Variants in CACNA1D observed in about 807,000 individuals in gnomAD.
CACNA1D encodes voltage-dependent L-type calcium channel subunit alpha-1D.
A neutral mutation model predicts 257.1 loss-of-function variants in CACNA1D; 55 were observed. That is an observed-to-expected ratio of 0.21 (90% CI 0.17 to 0.27). The LOEUF (loss-of-function observed/expected upper bound fraction) is 0.27, where lower values mean the gene tolerates loss of function less well. CACNA1D is among the 10% of genes least tolerant of loss of function. The pLI, the probability that CACNA1D is intolerant of heterozygous loss-of-function variation, is 1.00. For missense variants in CACNA1D, 1,876 were observed against 2,784.0 expected (o/e 0.67, Z 7.34); for synonymous variants, 980 against 1,014.9 (o/e 0.97, Z 0.65).
intron 3 of CACNA1D, among the ~76,000 whole-genome samples, chr3:53,521,281 G>A (rs572153466): frequency 3.9e-5 from 6 of 152,144 alleles, no homozygotes; most frequent in East Asian, 3.9e-4. Flanking sequence ...GGCCTCAAGC[G>A]ATTCCCTGCC....
intron 20 of CACNA1D, among the ~76,000 whole-genome samples, chr3:53,736,874 C>G (rs1212570697): frequency 6.8e-6 from 1 of 146,652 alleles, no homozygotes; most frequent in Non-Finnish European, 1.5e-5. Context: ...GGTGACAGAG[C>G]AAGACCCTGT....
At chr3:53,801,798 C>G (rs1006328853) in intron 42 of CACNA1D, among the ~76,000 whole-genome samples, 2 of 152,210 alleles carry the variant, frequency 1.3e-5, no homozygotes, top group Admixed American at 6.5e-5. Flanking sequence ...TACAGTCTTG[C>G]ACCTTCTCAG....
At chr3:53,780,879 C>G (rs999362839) in intron 38 of CACNA1D, among the ~76,000 whole-genome samples, 1 of 152,150 alleles carries the variant, frequency 6.6e-6, no homozygotes, top group African/African-American at 2.4e-5. Flanking sequence ...GAAGAGGAGG[C>G]AGCAAGGGAC....
At chr3:53,558,138 T>TA (rs2092678936) in intron 3 of CACNA1D, among the ~76,000 whole-genome samples, 2 of 152,334 alleles carry the variant, frequency 1.3e-5, no homozygotes, top group African/African-American at 4.8e-5. Flanking sequence ...GTCAAAATGT[T>TA]TATATGTTTA....
intron 30 of CACNA1D, among the ~76,000 whole-genome samples, chr3:53,768,038 A>C (rs183593700): frequency 1.3e-5 from 2 of 152,338 alleles, no homozygotes; most frequent in African/African-American, 4.8e-5. Flanking sequence ...TTTGAAGTTC[A>C]TAGTCCATAG....
intron 4 of CACNA1D, among the ~76,000 whole-genome samples, chr3:53,651,254 G>A (rs2094089062): frequency 6.6e-6 from 1 of 151,512 alleles, no homozygotes; most frequent in Admixed American, 6.6e-5. Context: ...AATGAGTAGA[G>A]CTTTTAATAC....
intron 14 of CACNA1D, among the ~76,000 whole-genome samples, chr3:53,726,163 T>C (rs2094932644): frequency 1.3e-5 from 2 of 152,364 alleles, no homozygotes; most frequent in East Asian, 1.9e-4. Flanking sequence ...AACAAGCCAG[T>C]TGCAGAAAAC....
intron 8 of CACNA1D, among the ~76,000 whole-genome samples, chr3:53,692,378 T>G (rs1255646143): frequency 6.6e-6 from 1 of 152,188 alleles, no homozygotes; most frequent in Non-Finnish European, 1.5e-5. Flanking sequence ...GGAGGGGTTA[T>G]GCAGGCAACA....
At chr3:53,596,792 C>T (rs1478665412) in intron 3 of CACNA1D, among the ~76,000 whole-genome samples, 1 of 152,202 alleles carries the variant, frequency 6.6e-6, no homozygotes, top group African/African-American at 2.4e-5. Context: ...ATCTGACCTT[C>T]AGAACTGTAA....
intron 3 of CACNA1D, among the ~76,000 whole-genome samples, chr3:53,600,895 C>T (rs907122708): frequency 3.9e-5 from 6 of 152,140 alleles, no homozygotes; most frequent in East Asian, 1.9e-4. Context: ...GATAATCCTC[C>T]GTGATTCCCG....
At chr3:53,731,021 T>C in intron 16 of CACNA1D, 56 bp from the exon 17 acceptor site, 1 of 1,093,066 alleles carries the variant, frequency 9.1e-7, no homozygotes, top group Non-Finnish European at 1.4e-6. Context: ...GATTAGCATT[T>C]TTATACAGAG....
At chr3:53,782,703 T>C (rs1576651639) in intron 39 of CACNA1D, 1 of 152,162 alleles carries the variant, frequency 6.6e-6, no homozygotes, top group Non-Finnish European at 1.5e-5. Flanking sequence ...TACCCGTAGC[T>C]GGCACAGCCA....
At chr3:53,555,460 GTTTT>G (rs372133749) in intron 3 of CACNA1D, among the ~76,000 whole-genome samples, 10 of 78,362 alleles carry the variant, frequency 1.3e-4, no homozygotes, top group African/African-American at 4.5e-4. Flanking sequence ...GTGTGTGTGT[GTTTT>G]TTTTTTTTTT....
In CACNA1D at chr3:53,767,988, C is replaced by A. The variant is rs552614294; in HGVS notation, c.3871-1985C>A. ...TGCCCTCTCCCTTTACAAATGCTGT[C>A]TCCTCTTCCCTTTTGTTCTTTTAAA... On this transcript the variant is annotated intron_variant, in intron 30 of 47. Coordinates refer to ENST00000350061, the MANE Select transcript of CACNA1D (RefSeq NM_001128840.3). Among the ~76,000 whole-genome samples, 16 of 152,310 alleles carry A rather than the reference C, an allele frequency of 1.1e-4. No homozygotes were observed. The South Asian group carries it at 3.3e-3, about 32-fold the overall frequency.
intron 3 of CACNA1D, among the ~76,000 whole-genome samples, chr3:53,508,468 C>G (rs1366798632): frequency 6.6e-6 from 1 of 152,156 alleles, no homozygotes; most frequent in Non-Finnish European, 1.5e-5. Context: ...CTGTTCCTCT[C>G]TCTTCCCCCA....
rs2108842521 is a variant in CACNA1D at position 53,745,692 on chromosome 3, G to C, written c.3075G>C (p.Leu1025=). 6.2e-7 allele frequency: 1 copy of C among 1,614,022 alleles called. No individual in the cohort carries two copies. The highest frequency in any genetic ancestry group is 8.5e-7 in the Non-Finnish European group (1 of 1,179,936). Reference sequence around the variant, plus strand: ...ACATCATGATCGTCACCACCCTCCTGCAGTTCATGTTTGCCTGTATCGGGG... The same window carrying C: ...ACATCATGATCGTCACCACCCTCCTCCAGTTCATGTTTGCCTGTATCGGGG... ...IGNIMIVTTL[L]QFMFACIGVQ... Residue 1025 remains leucine, a synonymous_variant, in exon 24 of 48, where the codon CTG becomes CTC. Coordinates refer to ENST00000350061, the MANE Select transcript of CACNA1D (RefSeq NM_001128840.3).
At chr3:53,658,836 G>A (rs913878037) in intron 4 of CACNA1D, among the ~76,000 whole-genome samples, 2 of 152,164 alleles carry the variant, frequency 1.3e-5, no homozygotes, top group Non-Finnish European at 2.9e-5. Context: ...GGTAGAGACC[G>A]GGCTTGTTTT....
At position 53,678,465 on chromosome 3, in the gene CACNA1D, G is replaced by A. The variant is rs2094397190; in HGVS notation, c.1220+5339G>A. On this transcript the variant is annotated intron_variant, in intron 8 of 47. Coordinates refer to ENST00000350061, the MANE Select transcript of CACNA1D (RefSeq NM_001128840.3). ...AGTTCCAGATCCTACCAGATCACAGGTATCATTTTAAATCAATCCAATTTT... is the reference window on the plus strand; with the variant it reads ...AGTTCCAGATCCTACCAGATCACAGATATCATTTTAAATCAATCCAATTTT... 1.3e-5 allele frequency among the ~76,000 whole-genome samples: 2 copies of A among 152,166 alleles called. 1 individual carries two copies.
intron 45 of CACNA1D, among the ~76,000 whole-genome samples, chr3:53,806,205 C>T (rs1370541066): frequency 9.3e-6 from 1 of 107,528 alleles, no homozygotes; most frequent in African/African-American, 3.0e-5. Flanking sequence ...CCTCCTCCCT[C>T]ATCTTCCCTC....
Sources: allele counts gnomAD v4.1 joint callset (sites outside exome capture counted in the v4.1 genomes callset), GRCh38; gene constraint gnomAD v4.1.1; transcripts MANE v1.5; gene names NCBI Gene and HGNC (gene_info 2026-07-23, HGNC 2026-07-21).